VIT: variants seen among roughly 807,000 people sequenced by gnomAD.
VIT encodes the protein vitrin.
Under a neutral mutation model 78.0 loss-of-function variants are expected in VIT, and 99 were observed. That is an observed-to-expected ratio of 1.27 (90% CI 1.08 to 1.50). The LOEUF is 1.50. Ranked by LOEUF, VIT falls within the 40% of genes most tolerant of loss-of-function variation. The pLI is 0.00. For missense variants in VIT, 1,126 were observed against 875.3 expected (o/e 1.29, Z -3.61); for synonymous variants, 374 against 334.3 (o/e 1.12, Z -1.29).
intron 9 of VIT, 147 bp from the exon 10 acceptor site, chr2:36,781,580 T>C (rs562098966): frequency 4.3e-6 from 3 of 700,490 alleles, no homozygotes; most frequent in Non-Finnish European, 7.1e-6. Flanking sequence ...AGATTTCAGG[T>C]TGCTTCATCC....
At chr2:36,718,006 T>C (rs1037477561) in intron 2 of VIT, among the ~76,000 whole-genome samples, 7 of 152,344 alleles carry the variant, frequency 4.6e-5, no homozygotes, top group Middle Eastern at 3.4e-3. Flanking sequence ...CCCTAATCGC[T>C]GCCTTCATCT....
intron 3 of VIT, among the ~76,000 whole-genome samples, chr2:36,734,890 C>T (rs1667418849): frequency 6.6e-6 from 1 of 152,152 alleles, no homozygotes; most frequent in African/African-American, 2.4e-5. Context: ...AATAATCTGG[C>T]AGGCTGGGCA....
intron 11 of VIT, 96 bp from the exon 12 acceptor site, chr2:36,787,033 C>T: frequency 2.0e-6 from 3 of 1,475,426 alleles, no homozygotes; most frequent in Non-Finnish European, 2.8e-6. Flanking sequence ...CTTTTCATTT[C>T]TCAGGGGGCT....
In VIT at chr2:36,716,430, C is replaced by G; in HGVS notation, c.52+8C>G. On this transcript the variant is annotated splice_region_variant and intron_variant, in intron 2 of 15. Transcript: ENST00000379242. ...TTATTGAAATGTTCCTTGGTAAGTACTTTTATATGTGTATCTGGATACCCT... is the reference window on the plus strand; with the variant it reads ...TTATTGAAATGTTCCTTGGTAAGTAGTTTTATATGTGTATCTGGATACCCT... The G allele has an allele frequency of 6.2e-7, 1 of 1,613,422 alleles. No homozygotes were observed. The highest frequency in any genetic ancestry group is 8.5e-7 in the Non-Finnish European group (1 of 1,179,634).
At chr2:36,764,240 T>C (rs1443838974) in intron 6 of VIT, among the ~76,000 whole-genome samples, 5 of 152,256 alleles carry the variant, frequency 3.3e-5, no homozygotes, top group Non-Finnish European at 5.9e-5. Flanking sequence ...AAATAGATTG[T>C]CAGTTTATGT....
At chr2:36,808,108 A>G (rs1310183091) in intron 14 of VIT, among the ~76,000 whole-genome samples, 3 of 152,228 alleles carry the variant, frequency 2.0e-5, no homozygotes, top group Non-Finnish European at 4.4e-5. Flanking sequence ...CTCTCATGCC[A>G]TGGTACCCAC....
intron 1 of VIT, among the ~76,000 whole-genome samples, chr2:36,713,477 C>A (rs770545423): frequency 1.2e-4 from 18 of 152,140 alleles, no homozygotes; most frequent in African/African-American, 4.3e-4. Context: ...CTGAGTAAGA[C>A]GGGGAGCCAC....
At chr2:36,758,598 A>G (rs1248658662) in intron 5 of VIT, among the ~76,000 whole-genome samples, 1 of 152,238 alleles carries the variant, frequency 6.6e-6, no homozygotes, top group East Asian at 1.9e-4. Flanking sequence ...GCACTCCATC[A>G]TCTCAAAGGA....
chr2:36,741,335 G>A (rs2148513064), intron 3 of VIT, among the ~76,000 whole-genome samples: 1 of 152,250 alleles, frequency 6.6e-6, no homozygotes, highest in South Asian at 2.1e-4. Flanking sequence ...AACCTTTGAT[G>A]GGGAGAATGA....
chr2:36,716,309 C>A (rs1048276096), intron 1 of VIT, 44 bp from the exon 2 acceptor site: 4 of 1,552,534 alleles, frequency 2.6e-6, no homozygotes, highest in Middle Eastern at 3.4e-4. Flanking sequence ...CAAATCAGAA[C>A]CCCCGGCTGA....
rs376085251 is a variant in VIT at position 36,805,548 on chromosome 2, G to A, written c.1273G>A (p.Val425Met). Residue 425 changes from valine to methionine, a missense_variant, in exon 14 of 16, where the codon GTG becomes ATG. Coordinates refer to ENST00000379242, the MANE Select transcript of VIT (RefSeq NM_053276.4). Reference protein sequence around the residue: ...VMVDGWPTDKVEEASRLARES... With the variant: ...VMVDGWPTDKMEEASRLARES... ...GGTGGATGGCTGGCCCACGGACAAAGTGGAGGAGGCTTCAAGACTTGCGAG... is the reference window on the plus strand; with the variant it reads ...GGTGGATGGCTGGCCCACGGACAAAATGGAGGAGGCTTCAAGACTTGCGAG... 3.7e-6 allele frequency: 6 copies of A among 1,614,060 alleles called. No individual in the cohort carries two copies. The highest frequency in any genetic ancestry group is 1.1e-5 in the South Asian group (1 of 91,090).
Position 36,717,351 on chromosome 2 carries a change from T to A in VIT, c.52+929T>A, listed in dbSNP as rs1454331977. Among the ~76,000 whole-genome samples, 3 of 128,338 alleles carry A rather than the reference T, an allele frequency of 2.3e-5. 1 individual carries two copies. The East Asian group carries it at 1.2e-3, about 50-fold the overall frequency. 84.2% of individuals were successfully genotyped at this position (128,338 alleles called of 152,430 possible). A position where few individuals can be genotyped will look rare whatever the true frequency, so the allele number is the denominator to read the frequency against. On this transcript the variant is annotated intron_variant, in intron 2 of 15. Transcript: ENST00000379242. ...CCTGGCTAATGTGTGTGTGTGTGTG[T>A]GTGTGTGTGTGTGTGTGTGTGTGTG...
chr2:36,756,489 T>C (rs1195440943), intron 5 of VIT, among the ~76,000 whole-genome samples: 1 of 152,186 alleles, frequency 6.6e-6, no homozygotes, highest in Non-Finnish European at 1.5e-5. Context: ...TGGGTGGTTT[T>C]CTAGCACTGC....
chr2:36,726,818 CAAAAA>C (rs758452109), intron 2 of VIT, among the ~76,000 whole-genome samples: 8 of 111,598 alleles, frequency 7.2e-5, no homozygotes, highest in Non-Finnish European at 1.2e-4. Context: ...GACTCTGTCT[CAAAAA>C]AAAAAAAAAA....
chr2:36,792,364 C>T (rs1443631443), intron 12 of VIT, among the ~76,000 whole-genome samples: 1 of 152,084 alleles, frequency 6.6e-6, no homozygotes, highest in Non-Finnish European at 1.5e-5. Context: ...ACAATATGCC[C>T]AAGAATCATA....
At chr2:36,762,703 C>T (rs569087936) in intron 6 of VIT, among the ~76,000 whole-genome samples, 3 of 152,236 alleles carry the variant, frequency 2.0e-5, no homozygotes, top group East Asian at 1.9e-4. Flanking sequence ...TTCAGGTCTC[C>T]GCATGACCCT....
chr2:36,808,354 C>G, intron 14 of VIT, 118 bp from the exon 15 acceptor site: 5 of 1,342,470 alleles, frequency 3.7e-6, no homozygotes, highest in South Asian at 1.6e-5. Flanking sequence ...GGTAGGAGGG[C>G]TAGTGCAGAA....
At chr2:36,721,183 G>T (rs1666485341) in intron 2 of VIT, among the ~76,000 whole-genome samples, 1 of 152,180 alleles carries the variant, frequency 6.6e-6, no homozygotes, top group Admixed American at 6.5e-5. Flanking sequence ...TATGTGAGGT[G>T]ATGGCTATGT....
intron 1 of VIT, among the ~76,000 whole-genome samples, chr2:36,703,200 T>C (rs1665176314): frequency 6.6e-6 from 1 of 152,232 alleles, no homozygotes; most frequent in African/African-American, 2.4e-5. Flanking sequence ...CTCTGGCTGA[T>C]GACCTCTCCA....
Sources: gnomAD v4.1 joint callset for allele counts (sites outside exome capture counted in the v4.1 genomes callset) on GRCh38, gnomAD v4.1.1 for gene constraint, MANE v1.5 for transcripts, NCBI Gene and HGNC (gene_info 2026-07-23, HGNC 2026-07-21) for gene names.